The following BNC2 variants were observed in gnomAD, a reference collection of about 807,000 sequenced individuals.
BNC2 encodes the protein basonuclin zinc finger protein 2, also known as zinc finger protein basonuclin-2.
BNC2 carries 20 observed loss-of-function variants against 76.3 expected under a neutral mutation model. The ratio of observed to expected loss-of-function variants is 0.26; its 90% CI spans 0.18 to 0.38. The LOEUF is 0.38. Ranked by LOEUF, BNC2 falls within the 10% of genes least tolerant of loss-of-function variation. The pLI, the probability that BNC2 is intolerant of heterozygous loss-of-function variation, is 1.00. For synonymous variants in BNC2, 582 were observed against 514.8 expected (o/e 1.13, Z -1.77); for missense variants, 1,382 against 1,399.8 (o/e 0.99, Z 0.20).
At chr9:16,456,939 C>G (rs1821464079) in intron 5 of BNC2, among the ~76,000 whole-genome samples, 1 of 152,086 alleles carries the variant, frequency 6.6e-6, no homozygotes, top group Non-Finnish European at 1.5e-5. Context: ...AAGAAGAATT[C>G]TAGTTAGTAC....
chr9:16,493,877 G>C (rs1189271583), intron 5 of BNC2, among the ~76,000 whole-genome samples: 3 of 152,144 alleles, frequency 2.0e-5, no homozygotes, highest in Non-Finnish European at 1.5e-5. Flanking sequence ...AGCATGGCGT[G>C]TTTAGAGAGA....
intron 5 of BNC2, among the ~76,000 whole-genome samples, chr9:16,523,306 C>A (rs984679018): frequency 4.6e-5 from 7 of 151,742 alleles, no homozygotes; most frequent in Admixed American, 2.6e-4. Context: ...CCTGTCTCTA[C>A]TAAAAACACA....
chr9:16,575,386 T>C, intron 4 of BNC2: 2 of 985,400 alleles, frequency 2.0e-6, no homozygotes, highest in Non-Finnish European at 1.2e-6. Flanking sequence ...CCTCACTTTA[T>C]GTTCCATCTG....
chr9:16,538,184 C>T (rs1490761947), intron 5 of BNC2, among the ~76,000 whole-genome samples: 4 of 152,186 alleles, frequency 2.6e-5, no homozygotes, highest in Admixed American at 1.3e-4. Flanking sequence ...GTTCTTCTCA[C>T]TGTCCTACCA....
At chr9:16,567,477 T>C (rs1819202560) in intron 4 of BNC2, among the ~76,000 whole-genome samples, 1 of 152,176 alleles carries the variant, frequency 6.6e-6, no homozygotes, top group Non-Finnish European at 1.5e-5. Flanking sequence ...CAATTTTTTA[T>C]TTCTATTTTA....
intron 1 of BNC2, among the ~76,000 whole-genome samples, chr9:16,793,314 C>T (rs1817562133): frequency 6.6e-6 from 1 of 152,148 alleles, no homozygotes; most frequent in South Asian, 2.1e-4. Context: ...CTATAAACAG[C>T]AGAAACAAAT....
At chr9:16,474,218 C>T (rs903766449) in intron 5 of BNC2, among the ~76,000 whole-genome samples, 28 of 152,280 alleles carry the variant, frequency 1.8e-4, no homozygotes, top group African/African-American at 6.0e-4. Flanking sequence ...GATTATACAT[C>T]CTAATTGAAA....
At chr9:16,527,728 G>A (rs1016177292) in intron 5 of BNC2, among the ~76,000 whole-genome samples, 1 of 152,180 alleles carries the variant, frequency 6.6e-6, no homozygotes, top group Non-Finnish European at 1.5e-5. Context: ...ATAGTTAACA[G>A]CTGTACCTAC....
intron 3 of BNC2, among the ~76,000 whole-genome samples, chr9:16,725,217 TCA>T (rs4007689): frequency 0.45 from 67,415 of 148,202 alleles, 17,506 homozygotes; most frequent in Non-Finnish European, 0.61. Context: ...TCTCTCTCTC[TCA>T]CACACACACA....
chr9:16,461,290 C>T (rs1821574286), intron 5 of BNC2, among the ~76,000 whole-genome samples: 2 of 152,030 alleles, frequency 1.3e-5, no homozygotes, highest in Non-Finnish European at 2.9e-5. Context: ...AGAATGTGCA[C>T]GTGTGGAGAA....
chr9:16,776,872 T>G (rs1217779344), intron 1 of BNC2, among the ~76,000 whole-genome samples: 1 of 152,124 alleles, frequency 6.6e-6, no homozygotes, highest in Admixed American at 6.5e-5. Flanking sequence ...ACATCTGTAA[T>G]CCCAGCACTT....
chr9:16,482,889 C>T (rs1202068500), intron 5 of BNC2, among the ~76,000 whole-genome samples: 2 of 152,206 alleles, frequency 1.3e-5, no homozygotes, highest in Admixed American at 1.3e-4. Flanking sequence ...CCGGGGCTTT[C>T]CGTGGCCAGC....
At chr9:16,449,797 G>C (rs1364339001) in intron 5 of BNC2, among the ~76,000 whole-genome samples, 3 of 128,678 alleles carry the variant, frequency 2.3e-5, no homozygotes, top group African/African-American at 8.1e-5. Flanking sequence ...AAATGGGGGT[G>C]AATGGGAGGT....
intron 4 of BNC2, among the ~76,000 whole-genome samples, chr9:16,567,096 T>C (rs550957582): frequency 9.2e-5 from 14 of 152,236 alleles, no homozygotes; most frequent in Admixed American, 3.9e-4. Flanking sequence ...GGCCTGGATA[T>C]AATTTCAATA....
chr9:16,518,207 T>C (rs988380244), intron 5 of BNC2, among the ~76,000 whole-genome samples: 1 of 152,294 alleles, frequency 6.6e-6, no homozygotes, highest in East Asian at 1.9e-4. Flanking sequence ...GGCGGGAGGA[T>C]CACTTAGCCC....
At chr9:16,587,365 C>T (rs1819802101) in intron 3 of BNC2, among the ~76,000 whole-genome samples, 1 of 152,054 alleles carries the variant, frequency 6.6e-6, no homozygotes, top group African/African-American at 2.4e-5. Flanking sequence ...AGGCGTGCAC[C>T]ATCACGTTGA....
intron 5 of BNC2, among the ~76,000 whole-genome samples, chr9:16,467,846 TAAAAAA>T (rs35957070): frequency 7.1e-6 from 1 of 141,420 alleles, no homozygotes; most frequent in Non-Finnish European, 1.6e-5. Context: ...AAAAAAAAAT[TAAAAAA>T]AAAAAAATGC....
intron 5 of BNC2, among the ~76,000 whole-genome samples, chr9:16,480,757 C>T (rs1351149486): frequency 1.3e-5 from 2 of 152,218 alleles, no homozygotes; most frequent in East Asian, 1.9e-4. Flanking sequence ...GGGCAGGGCT[C>T]GGGACCTGCA....
chr9:16,446,937 G>C (rs1005954264), intron 5 of BNC2, among the ~76,000 whole-genome samples: 2 of 151,966 alleles, frequency 1.3e-5, no homozygotes, highest in African/African-American at 4.8e-5. Context: ...GCATTTGTTT[G>C]CAAATAAATA....
Sources: allele counts gnomAD v4.1 joint callset (sites outside exome capture counted in the v4.1 genomes callset), GRCh38; gene constraint gnomAD v4.1.1; transcripts MANE v1.5; gene names NCBI Gene and HGNC (gene_info 2026-07-23, HGNC 2026-07-21).